EPHA6: variants seen among roughly 807,000 people sequenced by gnomAD.
The protein encoded by EPHA6 is ephrin type-A receptor 6.
In EPHA6, 50 loss-of-function variants were observed where a neutral mutation model predicts 112.0. The ratio of observed to expected loss-of-function variants is 0.45; its 90% confidence interval spans 0.36 to 0.56. The LOEUF (loss-of-function observed/expected upper bound fraction) is 0.56, where lower values mean the gene tolerates loss of function less well. Ranked by LOEUF, EPHA6 falls within the 20% of genes least tolerant of loss-of-function variation. The pLI is 0.00. For synonymous variants in EPHA6, 529 were observed against 490.7 expected (o/e 1.08, Z -1.03); for missense variants, 1,280 against 1,417.4 (o/e 0.90, Z 1.56).
chr3:97,179,872 G>A (rs1461433542), intron 3 of EPHA6, among the ~76,000 whole-genome samples: 1 of 151,844 alleles, frequency 6.6e-6, no homozygotes, highest in Non-Finnish European at 1.5e-5. Context: ...TCTCACACAA[G>A]GCGTGCTGTA....
chr3:97,322,555 T>C (rs1467778004), intron 5 of EPHA6, among the ~76,000 whole-genome samples: 1 of 152,006 alleles, frequency 6.6e-6, no homozygotes, highest in African/African-American at 2.4e-5. Flanking sequence ...GCAGCAATAA[T>C]TGATTTTAAA....
intron 2 of EPHA6, among the ~76,000 whole-genome samples, chr3:96,877,871 G>T (rs2107498128): frequency 6.6e-6 from 1 of 150,890 alleles, no homozygotes; most frequent in Non-Finnish European, 1.5e-5. Context: ...TTCATCAAAA[G>T]CATGGAGTTA....
chr3:97,648,653 A>G, intron 14 of EPHA6: 2 of 1,076,568 alleles, frequency 1.9e-6, no homozygotes, highest in Non-Finnish European at 2.3e-6. Flanking sequence ...TTTTAGTAAA[A>G]CATACTCAGA....
intron 3 of EPHA6, among the ~76,000 whole-genome samples, chr3:96,990,965 C>A (rs539315361): frequency 6.6e-6 from 1 of 150,988 alleles, no homozygotes; most frequent in Non-Finnish European, 1.5e-5. Context: ...CTTGTCTATT[C>A]TGTGTAAACA....
intron 15 of EPHA6, among the ~76,000 whole-genome samples, chr3:97,723,264 C>T (rs2034612787): frequency 6.6e-6 from 1 of 152,140 alleles, no homozygotes; most frequent in South Asian, 2.1e-4. Flanking sequence ...TAGTTTTCAA[C>T]ATAGTCCACC....
chr3:97,393,171 T>G (rs2109071376), intron 5 of EPHA6, among the ~76,000 whole-genome samples: 1 of 152,018 alleles, frequency 6.6e-6, no homozygotes, highest in South Asian at 2.1e-4. Flanking sequence ...GCTAAATTCC[T>G]AGAAAGTAGT....
At position 97,546,941 on chromosome 3, in the gene EPHA6, T is replaced by C. The variant is rs1018586601; in HGVS notation, c.2386+14398T>C. Among the ~76,000 whole-genome samples the C allele has an allele frequency of 2.6e-5, 4 of 152,336 alleles. No individual in the cohort carries two copies. In the East Asian group the frequency reaches 7.7e-4, roughly 29 times the overall value. On this transcript the variant is annotated intron_variant, in intron 11 of 17. Transcript: ENST00000389672. ...CAGGTCCTTTAAGGACTTCTCTGCATTGGTTATTCTAGTTATCCATTCGTC... is the reference window on the plus strand; with the variant it reads ...CAGGTCCTTTAAGGACTTCTCTGCACTGGTTATTCTAGTTATCCATTCGTC...
chr3:97,246,702 A>G (rs1388105827), intron 5 of EPHA6, among the ~76,000 whole-genome samples: 1 of 151,884 alleles, frequency 6.6e-6, no homozygotes, highest in African/African-American at 2.4e-5. Flanking sequence ...TCCTAAACCA[A>G]CTAAAATATT....
chr3:97,270,164 T>C (rs2079832026), intron 5 of EPHA6, among the ~76,000 whole-genome samples: 1 of 152,170 alleles, frequency 6.6e-6, no homozygotes, highest in Admixed American at 6.5e-5. Flanking sequence ...AATATTTAGA[T>C]TGAATTCACA....
intron 2 of EPHA6, among the ~76,000 whole-genome samples, chr3:96,940,550 C>T (rs1271489799): frequency 6.6e-6 from 1 of 152,054 alleles, no homozygotes; most frequent in African/African-American, 2.4e-5. Flanking sequence ...GACTCTTTAC[C>T]CAATTTTCCA....
intron 3 of EPHA6, among the ~76,000 whole-genome samples, chr3:97,086,694 C>T (rs1295609606): frequency 1.3e-5 from 2 of 151,798 alleles, no homozygotes; most frequent in Non-Finnish European, 2.9e-5. Flanking sequence ...TTTGCACACC[C>T]TAAATGTTAA....
chr3:96,902,309 T>G (rs928112520), intron 2 of EPHA6, among the ~76,000 whole-genome samples: 34 of 152,190 alleles, frequency 2.2e-4, no homozygotes, highest in Non-Finnish European at 2.9e-5. Context: ...CAGAAAGTAT[T>G]TAAAACATGA....
At chr3:97,701,705 CT>C (rs1460815908) in intron 14 of EPHA6, among the ~76,000 whole-genome samples, 1 of 151,714 alleles carries the variant, frequency 6.6e-6, no homozygotes, top group South Asian at 2.1e-4. Context: ...TACCTACCTT[CT>C]TTTTTTATAT....
intron 14 of EPHA6, among the ~76,000 whole-genome samples, chr3:97,651,018 T>A (rs916945658): frequency 1.3e-5 from 2 of 152,092 alleles, no homozygotes; most frequent in Admixed American, 6.6e-5. Context: ...TGTCCTAAGA[T>A]AACATTTGCT....
chr3:97,714,907 A>C (rs2034145021), intron 14 of EPHA6, among the ~76,000 whole-genome samples: 1 of 152,242 alleles, frequency 6.6e-6, no homozygotes. Flanking sequence ...AAGACTCCAT[A>C]TGATAAGCTT....
intron 5 of EPHA6, among the ~76,000 whole-genome samples, chr3:97,254,420 C>A (rs2079241940): frequency 6.6e-6 from 1 of 152,162 alleles, no homozygotes; most frequent in African/African-American, 2.4e-5. Flanking sequence ...AATCTCCTGA[C>A]CTCTTGTTCC....
chr3:97,500,253 T>C (rs1461000041), intron 10 of EPHA6, among the ~76,000 whole-genome samples: 1 of 152,112 alleles, frequency 6.6e-6, no homozygotes. Flanking sequence ...ATTCTGACAT[T>C]CCTAGAAATA....
intron 14 of EPHA6, among the ~76,000 whole-genome samples, chr3:97,700,869 C>T (rs2033342696): frequency 6.6e-6 from 1 of 152,128 alleles, no homozygotes; most frequent in Non-Finnish European, 1.5e-5. Flanking sequence ...CCAGCGTTCC[C>T]ATCACTGGTA....
intron 5 of EPHA6, among the ~76,000 whole-genome samples, chr3:97,286,309 G>A (rs1172667629): frequency 6.6e-6 from 1 of 151,914 alleles, no homozygotes; most frequent in Non-Finnish European, 1.5e-5. Flanking sequence ...AAAATCTTTG[G>A]CTAGACCAAT....
Sources: allele counts gnomAD v4.1 joint callset (sites outside exome capture counted in the v4.1 genomes callset), GRCh38; gene constraint gnomAD v4.1.1; transcripts MANE v1.5; gene names NCBI Gene and HGNC (gene_info 2026-07-23, HGNC 2026-07-21).